SV2C: variants seen among roughly 807,000 people sequenced by gnomAD.
The protein encoded by SV2C is solute carrier family 22 member B3.
A neutral mutation model predicts 79.7 loss-of-function variants in SV2C; 49 were observed. The ratio of observed to expected loss-of-function variants is 0.61; its 90% CI spans 0.49 to 0.78. The LOEUF is 0.78. Ranked by LOEUF, SV2C falls within the 30% of genes least tolerant of loss-of-function variation. The pLI, the probability that SV2C is intolerant of heterozygous loss-of-function variation, is 0.00. For missense variants in SV2C, 833 were observed against 912.9 expected (o/e 0.91, Z 1.13); for synonymous variants, 334 against 333.2 (o/e 1.00, Z -0.03).
the SV2C span, among the ~76,000 whole-genome samples, chr5:75,883,854 A>C: frequency 4.1e-5 from 6 of 145,984 alleles, no homozygotes; most frequent in Non-Finnish European, 8.9e-5. Context: ...TAAAAAAAAA[A>C]CAAAAAAAAA....
At chr5:75,952,994 C>T in the SV2C span, among the ~76,000 whole-genome samples, 2,558 of 151,974 alleles carry the variant, frequency 0.017, 55 homozygotes, top group African/African-American at 0.043. Context: ...ATTTGTGTTG[C>T]TATAAAAGAA....
the SV2C span, among the ~76,000 whole-genome samples, chr5:75,900,712 G>A: frequency 6.6e-6 from 1 of 151,948 alleles, no homozygotes; most frequent in South Asian, 2.1e-4. Flanking sequence ...ACACCAATCT[G>A]ATTGTACACC....
At chr5:76,192,704 T>G (rs1744142308) in intron 2 of SV2C, among the ~76,000 whole-genome samples, 1 of 152,246 alleles carries the variant, frequency 6.6e-6, no homozygotes, top group Non-Finnish European at 1.5e-5. Flanking sequence ...AATTGTGCTG[T>G]GTTTGTCTCC....
chr5:75,913,523 G>A, the SV2C span, among the ~76,000 whole-genome samples: 113 of 152,194 alleles, frequency 7.4e-4, no homozygotes, highest in Non-Finnish European at 1.3e-3. Context: ...GACAGTTTTG[G>A]AGTGGAGGAG....
the SV2C span, among the ~76,000 whole-genome samples, chr5:75,920,141 G>GGGGGCTA: frequency 6.6e-6 from 1 of 152,212 alleles, no homozygotes; most frequent in Non-Finnish European, 1.5e-5. Context: ...ACTCTTAGAA[G>GGGGGCTA]GGGGCTAAGG....
At chr5:75,960,389 T>C in the SV2C span, among the ~76,000 whole-genome samples, 2 of 152,018 alleles carry the variant, frequency 1.3e-5, no homozygotes, top group South Asian at 2.1e-4. Context: ...AAGATTATAA[T>C]GGAGCTGAAA....
At chr5:75,938,006 AC>A in the SV2C span, among the ~76,000 whole-genome samples, 1 of 152,182 alleles carries the variant, frequency 6.6e-6, no homozygotes, top group African/African-American at 2.4e-5. Context: ...AGGAGGCAAC[AC>A]AAGTATAGGT....
chr5:76,186,579 C>T (rs535564269), intron 2 of SV2C, among the ~76,000 whole-genome samples: 2 of 152,308 alleles, frequency 1.3e-5, no homozygotes, highest in East Asian at 3.9e-4. Flanking sequence ...GTGATCCCAG[C>T]TATGCAGGAG....
At chr5:76,129,909 G>A (rs1005493412) in intron 1 of SV2C, among the ~76,000 whole-genome samples, 8 of 152,082 alleles carry the variant, frequency 5.3e-5, no homozygotes, top group African/African-American at 1.7e-4. Flanking sequence ...CCGTTCAATG[G>A]ATAGGATGGC....
chr5:76,031,877 T>A, the SV2C span, among the ~76,000 whole-genome samples: 1 of 152,214 alleles, frequency 6.6e-6, no homozygotes, highest in African/African-American at 2.4e-5. Flanking sequence ...TTCCGAAATA[T>A]TTGGTTTTCA....
At chr5:75,853,004 T>G in the SV2C span, among the ~76,000 whole-genome samples, 1 of 152,032 alleles carries the variant, frequency 6.6e-6, no homozygotes, top group South Asian at 2.1e-4. Context: ...CGAAAGGCAT[T>G]TGACTAAGAC....
the SV2C span, among the ~76,000 whole-genome samples, chr5:75,922,992 G>A: frequency 6.6e-6 from 1 of 152,038 alleles, no homozygotes; most frequent in Non-Finnish European, 1.5e-5. Flanking sequence ...GGCTACTGAG[G>A]CACAGAGGGA....
At chr5:76,168,488 G>A (rs1470789298) in intron 2 of SV2C, among the ~76,000 whole-genome samples, 2 of 152,042 alleles carry the variant, frequency 1.3e-5, no homozygotes, top group African/African-American at 2.4e-5. Context: ...AGCAGAAAAT[G>A]TGCTCATAAA....
At chr5:76,084,160 G>A (rs1032989978) in intron 1 of SV2C, 1 of 152,422 alleles carries the variant, frequency 6.6e-6, no homozygotes, top group African/African-American at 2.4e-5. Flanking sequence ...GCGGGGCTGA[G>A]GCTCTTTGTC....
the SV2C span, among the ~76,000 whole-genome samples, chr5:76,018,747 AT>A: frequency 1.3e-5 from 2 of 152,194 alleles, no homozygotes; most frequent in Non-Finnish European, 2.9e-5. Context: ...AAGGAAAAAT[AT>A]TTGTTTAGAC....
At chr5:76,349,349 C>T (rs1301126519) in intron 12 of SV2C, among the ~76,000 whole-genome samples, 2 of 152,064 alleles carry the variant, frequency 1.3e-5, no homozygotes, top group Non-Finnish European at 2.9e-5. Flanking sequence ...CCTGTCTCTA[C>T]TAAAAATACA....
At chr5:76,168,770 T>G (rs192412276) in intron 2 of SV2C, among the ~76,000 whole-genome samples, 306 of 152,330 alleles carry the variant, frequency 2.0e-3, no homozygotes, top group African/African-American at 7.1e-3. Flanking sequence ...ATGTAGACTG[T>G]GGGGGTTTCA....
At chr5:75,971,653 C>G in the SV2C span, among the ~76,000 whole-genome samples, 1 of 152,064 alleles carries the variant, frequency 6.6e-6, no homozygotes, top group African/African-American at 2.4e-5. Context: ...GAACTACAAA[C>G]CACTGCTCAA....
intron 12 of SV2C, among the ~76,000 whole-genome samples, chr5:76,348,530 C>T (rs1258539854): frequency 2.0e-5 from 3 of 152,200 alleles, no homozygotes; most frequent in Non-Finnish European, 2.9e-5. Context: ...CAAAGCTGTA[C>T]CATTTTGCAT....
Sources: allele counts gnomAD v4.1 joint callset (sites outside exome capture counted in the v4.1 genomes callset), GRCh38; gene constraint gnomAD v4.1.1; transcripts MANE v1.5; gene names NCBI Gene and HGNC (gene_info 2026-07-23, HGNC 2026-07-21).